Variants in KIAA1328 observed in about 807,000 individuals in gnomAD.
KIAA1328 encodes the protein KIAA1328.
KIAA1328 carries 52 observed loss-of-function variants against 68.1 expected under a neutral mutation model. That is an observed-to-expected ratio of 0.76 (90% CI 0.61 to 0.96). The LOEUF (loss-of-function observed/expected upper bound fraction) is 0.96. Among genes scored for constraint, KIAA1328 ranks in the 40% least tolerant of loss-of-function variants. KIAA1328 has a pLI of 0.00. For synonymous variants in KIAA1328, 232 were observed against 239.4 expected, an observed-to-expected ratio of 0.97 and a Z score of 0.28; for missense variants, 641 against 677.6, an observed-to-expected ratio of 0.95 and a Z score of 0.60.
chr18:37,066,903 A>G lies in KIAA1328; in HGVS notation c.590A>G (p.Lys197Arg). The G allele has an allele frequency of 6.3e-7, 1 of 1,588,052 alleles. No individual in the cohort carries two copies. Among genetic ancestry groups the G allele is most frequent in the South Asian group, 1.2e-5 (1 of 86,874 alleles). The change falls in exon 7 of 10, where the codon AAA becomes AGA. Residue 197 changes from lysine (K) to arginine (R), a missense_variant. Transcript: ENST00000280020. ...RMQEQQVSSR[K>R]STLQCSSVEL... Reference sequence around the variant, plus strand: ...GGTTCTTTCTAGGTATCCAGTAGAAAAAGCACTCTCCAGTGTTCATCTGTG... The same window carrying G: ...GGTTCTTTCTAGGTATCCAGTAGAAGAAGCACTCTCCAGTGTTCATCTGTG...
intron 7 of KIAA1328, among the ~76,000 whole-genome samples, chr18:37,149,933 C>T (rs2058990523): frequency 6.6e-6 from 1 of 152,106 alleles, no homozygotes; most frequent in Non-Finnish European, 1.5e-5. Flanking sequence ...AAGGATATAT[C>T]ACTATATGTT....
At chr18:36,911,390 A>G (rs2049442456) in intron 5 of KIAA1328, among the ~76,000 whole-genome samples, 1 of 152,140 alleles carries the variant, frequency 6.6e-6, no homozygotes, top group Non-Finnish European at 1.5e-5. Context: ...TTACTCTAAA[A>G]TACTTAGCTT....
rs547374095 is a variant in KIAA1328, at chr18:36,933,778, C to T, written c.449-25530C>T. ...GGGGAGGCTGCATTGTACACACGCT[C>T]CTGTGGAGCAGCCAGGCAGGGGCCT... On this transcript the variant is annotated intron_variant, in intron 5 of 9. Transcript: ENST00000280020. Among the ~76,000 whole-genome samples, 3 of 152,308 alleles carry T rather than the reference C, an allele frequency of 2.0e-5. No homozygotes were observed. The South Asian group carries it at 6.2e-4, about 32-fold the overall frequency.
At chr18:36,835,968 G>A (rs2046659929) in intron 3 of KIAA1328, among the ~76,000 whole-genome samples, 2 of 152,118 alleles carry the variant, frequency 1.3e-5, no homozygotes, top group African/African-American at 4.8e-5. Flanking sequence ...CCTTCTGCCT[G>A]TTTTATAAAT....
intron 5 of KIAA1328, among the ~76,000 whole-genome samples, chr18:36,925,246 G>A (rs1274749274): frequency 6.6e-6 from 1 of 152,126 alleles, no homozygotes; most frequent in East Asian, 1.9e-4. Context: ...GGTAAAAACA[G>A]AAGATAATAA....
At chr18:37,008,385 C>G (rs1033562226) in intron 6 of KIAA1328, among the ~76,000 whole-genome samples, 1 of 152,198 alleles carries the variant, frequency 6.6e-6, no homozygotes, top group Non-Finnish European at 1.5e-5. Context: ...GTAAACCAAA[C>G]TTACTTGATT....
At chr18:37,102,386 TA>T (rs1398220908) in intron 7 of KIAA1328, among the ~76,000 whole-genome samples, 1 of 152,118 alleles carries the variant, frequency 6.6e-6, no homozygotes, top group Non-Finnish European at 1.5e-5. Context: ...TTTGCGTTTG[TA>T]ACAAACCTGC....
At chr18:36,944,197 C>T (rs2050810699) in intron 5 of KIAA1328, among the ~76,000 whole-genome samples, 1 of 152,158 alleles carries the variant, frequency 6.6e-6, no homozygotes, top group Non-Finnish European at 1.5e-5. Flanking sequence ...TGTAGAACCT[C>T]ATGTCATACT....
chr18:37,196,522 T>C (rs1007026995), intron 9 of KIAA1328, among the ~76,000 whole-genome samples: 9 of 152,180 alleles, frequency 5.9e-5, no homozygotes, highest in Non-Finnish European at 1.0e-4. Context: ...TTGAATGCCT[T>C]TTCAGCATCT....
intron 5 of KIAA1328, among the ~76,000 whole-genome samples, chr18:36,933,158 G>C (rs2050373666): frequency 6.6e-6 from 1 of 151,888 alleles, no homozygotes; most frequent in Admixed American, 6.6e-5. Flanking sequence ...ATACATTGAA[G>C]GTCTCTTGTT....
chr18:37,177,349 C>A (rs2154214771), intron 9 of KIAA1328, among the ~76,000 whole-genome samples: 1 of 152,160 alleles, frequency 6.6e-6, no homozygotes, highest in Middle Eastern at 3.4e-3. Context: ...ATTGTTGGAC[C>A]CTGATAAGCA....
At chr18:36,895,718 G>A (rs1425647505) in intron 5 of KIAA1328, 1 of 455,704 alleles carries the variant, frequency 2.2e-6, no homozygotes, top group South Asian at 1.6e-5. Context: ...AAATTCATAT[G>A]TTGAAGCTCT....
chr18:36,925,652 C>T (rs991299562), intron 5 of KIAA1328, among the ~76,000 whole-genome samples: 1 of 152,002 alleles, frequency 6.6e-6, no homozygotes. Flanking sequence ...ATCCTCGCAC[C>T]TCAGCCTGCT....
intron 7 of KIAA1328, among the ~76,000 whole-genome samples, chr18:37,122,585 A>T (rs186688828): frequency 9.9e-5 from 15 of 152,184 alleles, no homozygotes; most frequent in African/African-American, 3.6e-4. Flanking sequence ...TGGAAAAATT[A>T]TCGTCAGTCA....
chr18:37,102,366 A>G (rs562022487), intron 7 of KIAA1328, among the ~76,000 whole-genome samples: 2 of 152,312 alleles, frequency 1.3e-5, no homozygotes, highest in South Asian at 2.1e-4. Flanking sequence ...AGCAACCACC[A>G]TGGCACACGT....
chr18:37,122,118 A>T lies in KIAA1328; in HGVS notation c.1233-38082A>T, dbSNP rs555310636. On this transcript the variant is annotated intron_variant, in intron 7 of 9. Coordinates refer to ENST00000280020, the MANE Select transcript of KIAA1328 (RefSeq NM_020776.3). ...GCAATATTTCAAGAATTAGCTGTGAAAGAGGAGTCTGCAATGGAGACTAAT... is the reference window on the plus strand; with the variant it reads ...GCAATATTTCAAGAATTAGCTGTGATAGAGGAGTCTGCAATGGAGACTAAT... 1.0e-3 allele frequency among the ~76,000 whole-genome samples: 156 copies of T among 152,262 alleles called. 2 individuals are homozygous for T. The highest frequency in any genetic ancestry group is 3.7e-3 in the African/African-American group (154 of 41,560).
At chr18:37,215,257 G>C (rs1314716489) in intron 9 of KIAA1328, among the ~76,000 whole-genome samples, 2 of 152,168 alleles carry the variant, frequency 1.3e-5, no homozygotes, top group African/African-American at 4.8e-5. Flanking sequence ...TCCAGTTTTT[G>C]CCCATTCAGT....
At chr18:37,077,784 C>A (rs1362437617) in intron 7 of KIAA1328, among the ~76,000 whole-genome samples, 1 of 148,282 alleles carries the variant, frequency 6.7e-6, no homozygotes, top group Non-Finnish European at 1.5e-5. Flanking sequence ...ATGTGAAGGA[C>A]CTCTTCAAGG....
At chr18:37,091,813 A>C (rs1425617243) in intron 7 of KIAA1328, among the ~76,000 whole-genome samples, 1 of 152,138 alleles carries the variant, frequency 6.6e-6, no homozygotes, top group Non-Finnish European at 1.5e-5. Flanking sequence ...CCTACACCCT[A>C]GGGAACAGGC....
Sources: gnomAD v4.1 joint callset for allele counts (sites outside exome capture counted in the v4.1 genomes callset) on GRCh38, gnomAD v4.1.1 for gene constraint, MANE v1.5 for transcripts, NCBI Gene and HGNC (gene_info 2026-07-23, HGNC 2026-07-21) for gene names.